The following GLIS3 variants were observed in gnomAD, a reference collection of about 807,000 sequenced individuals.
GLIS3 encodes zinc finger protein GLIS3.
In GLIS3, 53 loss-of-function variants were observed where a neutral mutation model predicts 78.6. The ratio of observed to expected loss-of-function variants is 0.67; its 90% CI spans 0.54 to 0.85. The LOEUF (loss-of-function observed/expected upper bound fraction) is 0.85, where lower values mean the gene tolerates loss of function less well. Ranked by LOEUF, GLIS3 falls within the 40% of genes least tolerant of loss-of-function variation. The probability of loss-of-function intolerance (pLI) is 0.00; values close to 1 mark genes in which losing one functional copy is unlikely to be tolerated. For synonymous variants in GLIS3, 684 were observed against 509.9 expected (o/e 1.34, Z -4.60); for missense variants, 1,703 against 1,231.1 (o/e 1.38, Z -5.74).
intron 9 of GLIS3, among the ~76,000 whole-genome samples, chr9:3,845,213 T>G (rs1818955945): frequency 6.6e-6 from 1 of 152,164 alleles, no homozygotes; most frequent in East Asian, 1.9e-4. Context: ...CCTATTCTTA[T>G]GAGAGCTGTA....
intron 6 of GLIS3, among the ~76,000 whole-genome samples, chr9:3,926,529 C>T (rs1825267556): frequency 6.6e-6 from 1 of 151,954 alleles, no homozygotes; most frequent in African/African-American, 2.4e-5. Flanking sequence ...CGCACGCGGC[C>T]TGCAATGCTT....
chr9:4,027,927 G>A (rs574462587), intron 4 of GLIS3, among the ~76,000 whole-genome samples: 234 of 152,276 alleles, frequency 1.5e-3, no homozygotes, highest in African/African-American at 5.5e-3. Context: ...CCAGCTCAGA[G>A]CCTCGATCAA....
chr9:4,416,262 A>ATT, the GLIS3 span, among the ~76,000 whole-genome samples: 2 of 147,240 alleles, frequency 1.4e-5, no homozygotes, highest in Admixed American at 6.7e-5. Context: ...TAAAAAAAAA[A>ATT]AAAAAAAAAA....
At chr9:4,395,596 C>G in the GLIS3 span, among the ~76,000 whole-genome samples, 9 of 152,162 alleles carry the variant, frequency 5.9e-5, no homozygotes, top group Admixed American at 2.6e-4. Context: ...CCTCTACCCA[C>G]TTGTCAGTAC....
intron 4 of GLIS3, among the ~76,000 whole-genome samples, chr9:4,078,486 T>C (rs1471276932): frequency 6.6e-6 from 1 of 152,220 alleles, no homozygotes; most frequent in Non-Finnish European, 1.5e-5. Context: ...CAAGGCTCTC[T>C]GGAGATCTAT....
chr9:4,384,675 A>G, the GLIS3 span, among the ~76,000 whole-genome samples: 1 of 152,038 alleles, frequency 6.6e-6, no homozygotes, highest in Non-Finnish European at 1.5e-5. Flanking sequence ...ATGGTCTCCC[A>G]GCTTACTGCT....
the GLIS3 span, among the ~76,000 whole-genome samples, chr9:4,409,176 C>T: frequency 6.6e-6 from 1 of 152,092 alleles, no homozygotes; most frequent in Admixed American, 6.6e-5. Flanking sequence ...TTAACTTCTC[C>T]TCTTGGAGCA....
chr9:3,932,527 A>G (rs1004724952), intron 5 of GLIS3, 57 bp from the exon 6 acceptor site: 2 of 1,243,334 alleles, frequency 1.6e-6, no homozygotes, highest in Non-Finnish European at 2.4e-6. Context: ...GTAATTGGGG[A>G]ATGTTTTACT....
At chr9:4,039,113 T>G (rs575485600) in intron 4 of GLIS3, among the ~76,000 whole-genome samples, 1 of 152,266 alleles carries the variant, frequency 6.6e-6, no homozygotes, top group African/African-American at 2.4e-5. Context: ...ATCCTGCCCT[T>G]TGGGAACACT....
chr9:4,203,701 A>T (rs984128868), intron 2 of GLIS3, among the ~76,000 whole-genome samples: 2 of 152,224 alleles, frequency 1.3e-5, no homozygotes, highest in African/African-American at 4.8e-5. Flanking sequence ...CATGGAATGA[A>T]CCTAGGTGCC....
intron 9 of GLIS3, among the ~76,000 whole-genome samples, chr9:3,844,951 T>G (rs1818942639): frequency 6.6e-6 from 1 of 152,182 alleles, no homozygotes; most frequent in African/African-American, 2.4e-5. Flanking sequence ...TCTAAATTAG[T>G]ATAGCCTTCC....
intron 2 of GLIS3, among the ~76,000 whole-genome samples, chr9:4,163,906 C>T (rs1307944583): frequency 2.6e-5 from 4 of 152,176 alleles, no homozygotes; most frequent in African/African-American, 4.8e-5. Flanking sequence ...AAGGCCAGTG[C>T]TTTTCATCAC....
chr9:3,958,883 G>A (rs202090684), intron 4 of GLIS3, among the ~76,000 whole-genome samples: 15 of 152,314 alleles, frequency 9.8e-5, no homozygotes, highest in East Asian at 5.8e-4. Context: ...AACAGACAAC[G>A]TGCTGTCGGA....
intron 4 of GLIS3, among the ~76,000 whole-genome samples, chr9:4,080,084 T>A (rs1361512027): frequency 2.6e-5 from 4 of 152,240 alleles, no homozygotes; most frequent in African/African-American, 4.8e-5. Context: ...TGCCTGCTTG[T>A]CAAATTCAAT....
Position 3,891,965 on chromosome 9 carries a change from G to C in GLIS3, c.2128+6726C>G, listed in dbSNP as rs1822485420. 2.6e-5 allele frequency among the ~76,000 whole-genome samples: 4 copies of C among 152,246 alleles called. No homozygotes were observed. The South Asian group carries it at 8.3e-4, about 32-fold the overall frequency. On this transcript the variant is annotated intron_variant, in intron 7 of 10. Transcript: ENST00000381971. ...CACATTTTCTTTTTAATCGTGAAGA[G>C]TTCCCCTTTCTGCAGCCACTCACTC...
chr9:4,327,450 G>GA (rs1817617938), intron 2 of GLIS3, among the ~76,000 whole-genome samples: 1 of 152,170 alleles, frequency 6.6e-6, no homozygotes, highest in African/African-American at 2.4e-5. Flanking sequence ...TAGTCCAGGT[G>GA]AAGGAGGGTG....
intron 4 of GLIS3, among the ~76,000 whole-genome samples, chr9:4,009,328 G>A (rs1043767244): frequency 3.3e-5 from 5 of 152,224 alleles, no homozygotes; most frequent in Admixed American, 1.3e-4. Context: ...TGTGACAGCC[G>A]ACAAGCCAGC....
intron 2 of GLIS3, among the ~76,000 whole-genome samples, chr9:4,338,389 TACACACAC>T (rs202090144): frequency 2.0e-5 from 3 of 147,354 alleles, no homozygotes; most frequent in Non-Finnish European, 3.0e-5. Context: ...CACACACACA[TACACACAC>T]ACACACACAC....
chr9:4,459,199 A>C, the GLIS3 span, among the ~76,000 whole-genome samples: 8 of 152,222 alleles, frequency 5.3e-5, no homozygotes, highest in Non-Finnish European at 1.0e-4. Flanking sequence ...CCAGGTGGTA[A>C]AGCTGATGAG....
Sources: allele counts gnomAD v4.1 joint callset (sites outside exome capture counted in the v4.1 genomes callset), GRCh38; gene constraint gnomAD v4.1.1; transcripts MANE v1.5; gene names NCBI Gene and HGNC (gene_info 2026-07-23, HGNC 2026-07-21).